DMD: variants seen among roughly 807,000 people sequenced by gnomAD.
DMD encodes the protein dystrophin.
A neutral mutation model predicts 330.1 loss-of-function variants in DMD; 63 were observed. The ratio of observed to expected loss-of-function variants is 0.19; its 90% CI spans 0.16 to 0.24. The LOEUF is 0.24. DMD is among the 10% of genes least tolerant of loss of function. The pLI is 1.00. For missense variants in DMD, 3,344 were observed against 2,684.1 expected, an observed-to-expected ratio of 1.25 and a Z score of -5.43; for synonymous variants, 1,223 against 959.8, an observed-to-expected ratio of 1.27 and a Z score of -5.07.
rs1373639426 is a variant in DMD, at chrX:31,119,717, T to C, written c.*2202A>G. 8.9e-6 allele frequency: 1 copy of C among 112,042 alleles called. No homozygotes were observed. Among genetic ancestry groups the C allele is most frequent in the East Asian group, 2.8e-4 (1 of 3,581 alleles). 9.2% of individuals were successfully genotyped at this position (112,042 alleles called of 1,213,427 possible). On this transcript the variant is annotated 3_prime_UTR_variant, in exon 79 of 79. Transcript: ENST00000357033. Reference sequence around the variant, plus strand: ...TTAAACTTCTTAGTAGGATGTAAAGTAACCCCTTGTTTTAAATCTGAGTTT... The same window carrying C: ...TTAAACTTCTTAGTAGGATGTAAAGCAACCCCTTGTTTTAAATCTGAGTTT...
intron 44 of DMD, among the ~76,000 whole-genome samples, chrX:32,010,785 GATA>G (rs1408018957): frequency 5.4e-5 from 6 of 112,022 alleles, no homozygotes; most frequent in Non-Finnish European, 1.1e-4. Flanking sequence ...CCTAACGTAT[GATA>G]ATAATTGCTT....
At chrX:32,915,679 C>G (rs896672266) in intron 2 of DMD, among the ~76,000 whole-genome samples, 2 of 112,006 alleles carry the variant, frequency 1.8e-5, no homozygotes, top group African/African-American at 6.5e-5. Flanking sequence ...GTAATTGTTC[C>G]TCACTTGACT....
At chrX:32,173,340 T>TA (rs1235557139) in intron 44 of DMD, among the ~76,000 whole-genome samples, 3 of 110,493 alleles carry the variant, frequency 2.7e-5, no homozygotes, top group East Asian at 5.6e-4. Flanking sequence ...ATCTTTTTCT[T>TA]ATATATTTCT....
intron 18 of DMD, 162 bp downstream of exon 18, chrX:32,517,846 C>A (rs1311152404): frequency 1.7e-6 from 1 of 600,265 alleles, no homozygotes; most frequent in African/African-American, 2.3e-5. Context: ...CTAGGCTAAA[C>A]TTTGATTTTG....
intron 1 of DMD, among the ~76,000 whole-genome samples, chrX:33,289,812 G>A (rs2053487118): frequency 9.0e-6 from 1 of 111,507 alleles, no homozygotes; most frequent in African/African-American, 3.3e-5. Flanking sequence ...AAACTTGGAT[G>A]TTTACCATTT....
Position 31,298,390 on chromosome X carries a change from AACAC to A in DMD, c.9224+25204_9224+25207del, listed in dbSNP as rs760738765. Among the ~76,000 whole-genome samples, 34 of 81,406 alleles carry A rather than the reference AACAC, an allele frequency of 4.2e-4. No individual in the cohort carries two copies. The East Asian group carries it at 0.01, about 24-fold the overall frequency. The allele number at this position is 81,406 out of a possible 115,157, so 70.7% of individuals were successfully genotyped here. A position where few individuals can be genotyped will look rare whatever the true frequency, so the allele number is the denominator to read the frequency against. On this transcript the variant is annotated intron_variant, in intron 62 of 78. Transcript: ENST00000357033. ...AAGTTTCCCAGAATATTAGAATTCAAACACACACACACACACACATACACACACA... is the reference window on the plus strand; with the variant it reads ...AAGTTTCCCAGAATATTAGAATTCAAACACACACACACACATACACACACA...
At chrX:32,860,890 T>C (rs938057042) in intron 2 of DMD, among the ~76,000 whole-genome samples, 3 of 111,888 alleles carry the variant, frequency 2.7e-5, no homozygotes, top group African/African-American at 9.8e-5. Context: ...ATGCTGGTTT[T>C]GTATTTTGAG....
intron 1 of DMD, among the ~76,000 whole-genome samples, chrX:33,046,444 A>G (rs1051300480): frequency 8.0e-5 from 9 of 111,890 alleles, no homozygotes; most frequent in African/African-American, 2.9e-4. Context: ...AAAATAATTT[A>G]TGATTTTGAC....
chrX:32,782,405 T>C (rs2074862657), intron 7 of DMD, among the ~76,000 whole-genome samples: 1 of 111,828 alleles, frequency 8.9e-6, no homozygotes, highest in Non-Finnish European at 1.9e-5. Flanking sequence ...GGTTCAGCTG[T>C]GAAATGCAGA....
At chrX:32,343,697 C>A (rs1209386519) in intron 39 of DMD, among the ~76,000 whole-genome samples, 1 of 111,676 alleles carries the variant, frequency 9.0e-6, no homozygotes, top group Non-Finnish European at 1.9e-5. Context: ...AAATGTATAT[C>A]TTTAGCCTTG....
At chrX:31,952,193 T>C (rs948685112) in intron 45 of DMD, among the ~76,000 whole-genome samples, 1 of 111,545 alleles carries the variant, frequency 9.0e-6, no homozygotes, top group Non-Finnish European at 1.9e-5. Flanking sequence ...TGTTTTAGGG[T>C]ATTGATCTCT....
At chrX:32,744,129 T>C (rs1035151373) in intron 7 of DMD, among the ~76,000 whole-genome samples, 1 of 110,516 alleles carries the variant, frequency 9.0e-6, no homozygotes, top group Non-Finnish European at 1.9e-5. Context: ...AGTTACCCTC[T>C]ACTTACAAGC....
chrX:32,564,652 T>A (rs192614038), intron 16 of DMD, among the ~76,000 whole-genome samples: 1 of 112,206 alleles, frequency 8.9e-6, no homozygotes, highest in Non-Finnish European at 1.9e-5. Context: ...CAAATTATAA[T>A]TTTTTAACGT....
At chrX:32,106,412 ATTAAAG>A (rs946593810) in intron 44 of DMD, among the ~76,000 whole-genome samples, 1 of 111,761 alleles carries the variant, frequency 8.9e-6, no homozygotes, top group African/African-American at 3.2e-5. Flanking sequence ...AAAGTGAAAC[ATTAAAG>A]TTAAATTATT....
At chrX:32,751,457 C>G (rs1460357793) in intron 7 of DMD, among the ~76,000 whole-genome samples, 1 of 111,384 alleles carries the variant, frequency 9.0e-6, no homozygotes, top group Non-Finnish European at 1.9e-5. Flanking sequence ...GGTGATTTAG[C>G]GTTATCTGGT....
At chrX:33,252,338 G>A (rs2052784965) in intron 1 of DMD, among the ~76,000 whole-genome samples, 1 of 110,316 alleles carries the variant, frequency 9.1e-6, no homozygotes, top group African/African-American at 3.3e-5. Flanking sequence ...CTTTTAGTGG[G>A]GTCTATCCAC....
At chrX:31,955,090 C>A (rs949006227) in intron 45 of DMD, among the ~76,000 whole-genome samples, 1 of 109,498 alleles carries the variant, frequency 9.1e-6, no homozygotes, top group Non-Finnish European at 1.9e-5. Flanking sequence ...GTTGGAGGAT[C>A]GCTTGAACCT....
At chrX:32,300,800 T>C (rs1427803252) in intron 42 of DMD, among the ~76,000 whole-genome samples, 1 of 110,632 alleles carries the variant, frequency 9.0e-6, no homozygotes, top group Non-Finnish European at 1.9e-5. Context: ...GCCAGGTAGG[T>C]TTTATGGAGG....
intron 1 of DMD, among the ~76,000 whole-genome samples, chrX:33,032,137 GC>G (rs758917134): frequency 8.9e-6 from 1 of 111,888 alleles, no homozygotes; most frequent in Non-Finnish European, 1.9e-5. Context: ...CATGTGACTT[GC>G]CTTGACCAGT....
Sources: gnomAD v4.1 joint callset for allele counts (sites outside exome capture counted in the v4.1 genomes callset) on GRCh38, gnomAD v4.1.1 for gene constraint, MANE v1.5 for transcripts, NCBI Gene and HGNC (gene_info 2026-07-23, HGNC 2026-07-21) for gene names.